Variants in TNRC18 observed in about 807,000 individuals in gnomAD.
TNRC18 encodes trinucleotide repeat-containing gene 18 protein.
In TNRC18, 69 loss-of-function variants were observed where a neutral mutation model predicts 226.7. That is an observed-to-expected ratio of 0.30 (90% CI 0.25 to 0.37). The LOEUF (loss-of-function observed/expected upper bound fraction) is 0.37, where lower values mean the gene tolerates loss of function less well. Among genes scored for constraint, TNRC18 ranks in the 10% least tolerant of loss-of-function variants. TNRC18 has a pLI of 1.00. For missense variants in TNRC18, 4,754 were observed against 4,256.6 expected (o/e 1.12, Z -3.25); for synonymous variants, 2,449 against 1,927.6 (o/e 1.27, Z -7.09).
chr7:5,311,197 CGT>C (rs911278112), intron 27 of TNRC18, among the ~76,000 whole-genome samples: 9 of 151,856 alleles, frequency 5.9e-5, no homozygotes, highest in South Asian at 2.1e-4. Flanking sequence ...CACATATGTG[CGT>C]GTGTGTGTGC....
Position 5,389,302 on chromosome 7 carries a change from G to A in TNRC18, c.522C>T (p.Gly174=). 1.6e-6 allele frequency: 2 copies of A among 1,283,718 alleles called. No individual in the cohort carries two copies. The highest frequency in any genetic ancestry group is 9.8e-7 in the Non-Finnish European group (1 of 1,015,766). The allele number at this position is 1,283,718 out of a possible 1,614,324, so 79.5% of individuals were successfully genotyped here. The part of the protein sequence containing the change: ...GFYLPTAGAP[G]SLHSHAPSAR... The stretch of plus-strand genomic sequence containing the variant: ...CCGAGGGCGCGTGAGAGTGCAGGGA[G>A]CCCGGAGCCCCCGCGGTGGGCAGGT... Residue 174 remains glycine (G), a synonymous_variant, in exon 5 of 30, where the codon GGC becomes GGT. Coordinates refer to ENST00000430969, the MANE Select transcript of TNRC18 (RefSeq NM_001080495.3).
At chr7:5,403,031 C>T (rs886194433) in intron 2 of TNRC18, among the ~76,000 whole-genome samples, 2 of 152,030 alleles carry the variant, frequency 1.3e-5, no homozygotes, top group Non-Finnish European at 2.9e-5. Flanking sequence ...GAGACTGAGG[C>T]TCTCACTCCC....
chr7:5,377,089 ACCTCCTGGGG>A lies in TNRC18; in HGVS notation c.2462-106_2462-97del. ...CCCAGCACCACCTCCCAAGTCCTGA[ACCTCCTGGGG>A]CCTCCAGTGGGGAAGCCAAGGGACA... On this transcript the variant is annotated intron_variant, in intron 7 of 29. Coordinates refer to ENST00000430969, the MANE Select transcript of TNRC18 (RefSeq NM_001080495.3). This position sits in a 1 kb window ranked among gnomAD's most constrained non-coding sequence, Gnocchi z 5.8. 1 of 1,489,342 alleles carries A rather than the reference ACCTCCTGGGG, an allele frequency of 6.7e-7. No individual in the cohort carries two copies. Among genetic ancestry groups the A allele is most frequent in the South Asian group, 1.3e-5 (1 of 77,710 alleles). The allele number at this position is 1,489,342 out of a possible 1,614,324, so 92.3% of individuals were successfully genotyped here. A position where few individuals can be genotyped will look rare whatever the true frequency, so the allele number is the denominator to read the frequency against.
rs57464872 is a variant in TNRC18, at chr7:5,404,763, AGT to A, written c.188-10170_188-10169del. Among the ~76,000 whole-genome samples, 908 of 146,964 alleles carry A rather than the reference AGT, an allele frequency of 6.2e-3. 3 individuals are homozygous for A. Among genetic ancestry groups the A allele is most frequent in the South Asian group, 0.015 (67 of 4,542 alleles). On this transcript the variant is annotated intron_variant, in intron 2 of 29. Transcript: ENST00000430969. ...ACCCCAGCAGCGCATGCACACTTTC[AGT>A]GTGTGTGTGTGTGTGTGTGTGTGTG...
chr7:5,383,496 G>A (rs1181579399), intron 5 of TNRC18, among the ~76,000 whole-genome samples: 1 of 152,226 alleles, frequency 6.6e-6, no homozygotes, highest in African/African-American at 2.4e-5. Flanking sequence ...AGAGGCCAGA[G>A]GGCTCGAGGC....
chr7:5,420,968 G>A (rs1782541328), intron 2 of TNRC18, 92 bp downstream of exon 2: 2 of 1,493,524 alleles, frequency 1.3e-6, no homozygotes, highest in South Asian at 1.2e-5. Flanking sequence ...AAGGAGAGTC[G>A]CCGAGCCCCG....
At position 5,356,829 on chromosome 7, in the gene TNRC18, GC is replaced by G. The variant is rs371866148; in HGVS notation, c.5194+86del. ...GCGAGAGCGAGAGAGAGAGTGAGGG[GC>G]GGGGGGGGAAGGAGGACGGTGGAGA... On this transcript the variant is annotated intron_variant, in intron 16 of 29. Transcript: ENST00000430969. 91,097 of 744,616 alleles carry G rather than the reference GC, an allele frequency of 0.12. 1,770 individuals are homozygous for G. The highest frequency in any genetic ancestry group is 0.26 in the African/African-American group (10,881 of 42,104). 46.1% of individuals were successfully genotyped at this position (744,616 alleles called of 1,614,324 possible).
At chr7:5,374,588 CT>C in intron 9 of TNRC18, 104 bp from the exon 10 acceptor site, 2 of 1,222,762 alleles carry the variant, frequency 1.6e-6, no homozygotes, top group Non-Finnish European at 2.2e-6. Flanking sequence ...CGAGGAGAAC[CT>C]CATGCAGGGC....
chr7:5,335,300 T>TAAAAAAA (rs1562508489), intron 18 of TNRC18, among the ~76,000 whole-genome samples: 1 of 10,630 alleles, frequency 9.4e-5, no homozygotes. Context: ...AGAATCTGTC[T>TAAAAAAA]CAAAAAAAAA....
chr7:5,378,256 A>G (rs1314557252), intron 5 of TNRC18, among the ~76,000 whole-genome samples: 1 of 151,958 alleles, frequency 6.6e-6, no homozygotes, highest in African/African-American at 2.4e-5. Context: ...GTCATCCCCC[A>G]TCCAAAAGGC....
Position 5,324,487 on chromosome 7 carries a change from C to A in TNRC18, c.6301-132G>T. On this transcript the variant is annotated intron_variant, in intron 20 of 29. Transcript: ENST00000430969. This position sits in a 1 kb window ranked among gnomAD's most constrained non-coding sequence, Gnocchi z 4.8. ...ATCTGTCATGTGCATGGCAGGGATC[C>A]CAGTTAGGGGCACCCCAGAGGCCAG... is the stretch of plus-strand genomic sequence containing the variant. 2 of 1,299,020 alleles carry A rather than the reference C, an allele frequency of 1.5e-6. No homozygotes were observed. The highest frequency in any genetic ancestry group is 2.3e-5 in the Admixed American group (1 of 44,362). 80.5% of individuals were successfully genotyped at this position (1,299,020 alleles called of 1,614,324 possible). A position where few individuals can be genotyped will look rare whatever the true frequency, so the allele number is the denominator to read the frequency against.
intron 10 of TNRC18, among the ~76,000 whole-genome samples, chr7:5,371,587 G>C (rs1794164522): frequency 6.6e-6 from 1 of 152,196 alleles, no homozygotes. Flanking sequence ...AGGTCTTGTG[G>C]TCTTGAAGGC....
chr7:5,368,660 G>C (rs1482673693), intron 11 of TNRC18, among the ~76,000 whole-genome samples: 1 of 57,572 alleles, frequency 1.7e-5, no homozygotes, highest in African/African-American at 1.0e-4. Flanking sequence ...GTGAGACTCT[G>C]TCTCAAAAAA....
At chr7:5,342,606 A>G (rs1359774219) in intron 18 of TNRC18, among the ~76,000 whole-genome samples, 3 of 152,180 alleles carry the variant, frequency 2.0e-5, no homozygotes, top group Admixed American at 2.0e-4. Context: ...ACATTTGAAA[A>G]GATGAGGAGC....
At position 5,370,585 on chromosome 7, in the gene TNRC18, C is replaced by G; in HGVS notation, c.4009G>C (p.Asp1337His). The change falls in exon 11 of 30, where the codon GAC (aspartate) becomes CAC (histidine). Residue 1337 changes from aspartate to histidine, a missense_variant. Physicochemically the swap from Asp to His is moderately conservative, Grantham distance 81. Coordinates refer to ENST00000430969, the MANE Select transcript of TNRC18 (RefSeq NM_001080495.3). ...SSDQFLPSLE[D>H]PLAGMNALAA... is the part of the protein sequence containing the mutation. ...AGGGCGTTCATGCCAGCCAGTGGGT[C>G]CTCCAGACTGGGCAGGAACTGGTCA... is the stretch of plus-strand genomic sequence containing the variant. The G allele has an allele frequency of 1.2e-6, 2 of 1,613,222 alleles. No homozygotes were observed. The highest frequency in any genetic ancestry group is 1.7e-6 in the Non-Finnish European group (2 of 1,179,694).
chr7:5,373,651 G>T (rs370720207), intron 10 of TNRC18, among the ~76,000 whole-genome samples: 1 of 152,164 alleles, frequency 6.6e-6, no homozygotes, highest in Non-Finnish European at 1.5e-5. Flanking sequence ...TGATGCAGAA[G>T]ACGGCAAGAG....
At chr7:5,385,419 C>A (rs866868980) in intron 5 of TNRC18, among the ~76,000 whole-genome samples, 3 of 135,540 alleles carry the variant, frequency 2.2e-5, no homozygotes, top group Admixed American at 8.8e-5. Flanking sequence ...ACCCGGGAAG[C>A]GGAGCTTGCA....
intron 21 of TNRC18, among the ~76,000 whole-genome samples, chr7:5,323,712 C>T (rs546263386): frequency 3.3e-5 from 5 of 152,042 alleles, no homozygotes; most frequent in East Asian, 1.9e-4. Context: ...GGATTACAGG[C>T]GCCCGCCACC....
At chr7:5,413,138 G>A (rs1001626746) in intron 2 of TNRC18, among the ~76,000 whole-genome samples, 1 of 152,158 alleles carries the variant, frequency 6.6e-6, no homozygotes, top group Admixed American at 6.5e-5. Flanking sequence ...AAAAAGCTGA[G>A]CTGGGATGCC....
Sources: allele counts gnomAD v4.1 joint callset (sites outside exome capture counted in the v4.1 genomes callset), GRCh38; gene constraint gnomAD v4.1.1; non-coding constraint Gnocchi (gnomAD v3.1); transcripts MANE v1.5; gene names NCBI Gene and HGNC (gene_info 2026-07-23, HGNC 2026-07-21).